The following HERC1 variants were observed in gnomAD, a reference collection of about 807,000 sequenced individuals.
HERC1 encodes HECT and RLD domain containing E3 ubiquitin protein ligase family member 1, also known as probable E3 ubiquitin-protein ligase HERC1.
In HERC1, 160 loss-of-function variants were observed where a neutral mutation model predicts 554.3. The observed-to-expected ratio is 0.29, with a 90% CI of 0.25 to 0.33. The LOEUF (loss-of-function observed/expected upper bound fraction) is 0.33, where lower values mean the gene tolerates loss of function less well. Ranked by LOEUF, HERC1 falls within the 10% of genes least tolerant of loss-of-function variation. The pLI is 1.00. For synonymous variants in HERC1, 2,175 were observed against 2,131.7 expected (o/e 1.02, Z -0.56); for missense variants, 4,919 against 5,918.5 (o/e 0.83, Z 5.54).
intron 51 of HERC1, 117 bp from the exon 52 acceptor site, chr15:63,652,658 C>A: frequency 1.2e-6 from 1 of 847,416 alleles, no homozygotes; most frequent in Non-Finnish European, 1.8e-6. Flanking sequence ...AGCATCCATT[C>A]CTTTCTTTTC....
chr15:63,661,647 C>T (rs2070364545), intron 45 of HERC1, 106 bp downstream of exon 45: 2 of 1,173,152 alleles, frequency 1.7e-6, no homozygotes, highest in Non-Finnish European at 2.4e-6. Context: ...CACGGGATTT[C>T]AGGGAAGGTT....
intron 32 of HERC1, 43 bp downstream of exon 32, chr15:63,690,498 G>A: frequency 4.6e-6 from 6 of 1,311,468 alleles, no homozygotes; most frequent in Non-Finnish European, 6.6e-6. Flanking sequence ...GAATCATTTT[G>A]CAAATATGGA....
chr15:63,718,605 A>G lies in HERC1; in HGVS notation c.3947T>C (p.Ile1316Thr), dbSNP rs375001242. The change falls in exon 21 of 78, where the codon ATT (isoleucine) becomes ACT (threonine). Residue 1316 changes from isoleucine to threonine, a missense_variant. Coordinates refer to ENST00000443617, the MANE Select transcript of HERC1 (RefSeq NM_003922.4). This position sits in a 1 kb window ranked among gnomAD's most constrained non-coding sequence, Gnocchi z 4.2. ...GTCCCGTGATGATGACCTTGTTTGA[A>G]TAAGTTCAAGGTTCTTGCAAGCAAG... ...RLLACKNLEL[I>T]QTRSSSRDRW... 20 of 1,586,230 alleles carry G rather than the reference A, an allele frequency of 1.3e-5. No individual in the cohort carries two copies. Among genetic ancestry groups the G allele is most frequent in the Admixed American group, 1.8e-5 (1 of 55,642 alleles).
intron 1 of HERC1, among the ~76,000 whole-genome samples, chr15:63,813,859 G>A (rs2145422053): frequency 6.6e-6 from 1 of 152,112 alleles, no homozygotes; most frequent in South Asian, 2.1e-4. Flanking sequence ...CCTGAGGTCA[G>A]GAGTTTGAGA....
chr15:63,660,019 T>C (rs984929066), intron 46 of HERC1, 83 bp from the exon 47 acceptor site: 1 of 1,155,242 alleles, frequency 8.7e-7, no homozygotes, highest in Admixed American at 2.0e-5. Flanking sequence ...TGAAAATACA[T>C]CTAAAATGCA....
intron 16 of HERC1, 61 bp downstream of exon 16, chr15:63,729,175 A>G (rs1194092908): frequency 1.4e-6 from 2 of 1,459,056 alleles, no homozygotes; most frequent in Admixed American, 2.4e-5. Flanking sequence ...AAGACTTTGG[A>G]AAGCCAAGTG....
chr15:63,616,938 T>G (rs1397933061), intron 74 of HERC1, among the ~76,000 whole-genome samples: 1 of 152,208 alleles, frequency 6.6e-6, no homozygotes, highest in African/African-American at 2.4e-5. Context: ...TCTGAACTAT[T>G]TTTAGAAGAA....
At chr15:63,776,500 T>C (rs748707344) in intron 1 of HERC1, among the ~76,000 whole-genome samples, 4 of 152,214 alleles carry the variant, frequency 2.6e-5, no homozygotes, top group Admixed American at 6.5e-5. Flanking sequence ...ACAATTCCTC[T>C]TCTAAAGATT....
intron 32 of HERC1, among the ~76,000 whole-genome samples, chr15:63,690,067 G>A (rs748345331): frequency 7.9e-5 from 12 of 151,100 alleles, no homozygotes; most frequent in Non-Finnish European, 1.3e-4. Flanking sequence ...GGAGGCTAAG[G>A]CAGGAGAATC....
intron 18 of HERC1, 108 bp from the exon 19 acceptor site, chr15:63,723,463 T>G: frequency 1.3e-6 from 1 of 765,458 alleles, no homozygotes. Context: ...CTTCAAACCA[T>G]TTTAAGTAGA....
At chr15:63,800,851 A>G (rs1567140900) in intron 1 of HERC1, among the ~76,000 whole-genome samples, 1 of 151,488 alleles carries the variant, frequency 6.6e-6, no homozygotes, top group African/African-American at 2.4e-5. Context: ...GGGCCCTTAG[A>G]TAGCTTCAGG....
chr15:63,649,689 A>C, intron 54 of HERC1, 36 bp downstream of exon 54: 2 of 1,546,432 alleles, frequency 1.3e-6, no homozygotes, highest in Non-Finnish European at 1.8e-6. Context: ...AGGAAGTTGG[A>C]GACTCCGTCA....
chr15:63,655,087 C>T (rs1215913300), intron 50 of HERC1, among the ~76,000 whole-genome samples: 1 of 152,060 alleles, frequency 6.6e-6, no homozygotes, highest in Non-Finnish European at 1.5e-5. Context: ...GGTGTGGTGG[C>T]TCATGCCTGT....
At chr15:63,672,224 A>G (rs1182231771) in intron 39 of HERC1, among the ~76,000 whole-genome samples, 1 of 152,220 alleles carries the variant, frequency 6.6e-6, no homozygotes, top group African/African-American at 2.4e-5. Context: ...AATTATCATC[A>G]TAAGAGAGAG....
At chr15:63,729,679 T>C (rs995194602) in intron 14 of HERC1, 30 bp from the exon 15 acceptor site, 3 of 1,607,412 alleles carry the variant, frequency 1.9e-6, no homozygotes, top group Middle Eastern at 1.7e-4. Context: ...AAGTTTATAT[T>C]TGAAGTGCTT....
At chr15:63,779,116 A>G (rs1200180683) in intron 1 of HERC1, among the ~76,000 whole-genome samples, 4 of 152,074 alleles carry the variant, frequency 2.6e-5, no homozygotes, top group African/African-American at 9.7e-5. Flanking sequence ...AAATAATTAG[A>G]AAAAGATAAG....
intron 72 of HERC1, 63 bp downstream of exon 72, chr15:63,624,095 T>C: frequency 1.4e-6 from 2 of 1,443,312 alleles, no homozygotes; most frequent in Non-Finnish European, 9.5e-7. Context: ...TCACAGAAAT[T>C]AGTAATAACA....
intron 2 of HERC1, 33 bp from the exon 3 acceptor site, chr15:63,764,224 G>C (rs758939618): frequency 4.2e-6 from 6 of 1,430,970 alleles, no homozygotes; most frequent in Non-Finnish European, 5.8e-6. Context: ...CACAGCGTAG[G>C]AAGGGGAGAG....
intron 25 of HERC1, among the ~76,000 whole-genome samples, chr15:63,701,411 A>C (rs944029209): frequency 2.0e-5 from 3 of 152,234 alleles, no homozygotes; most frequent in Admixed American, 6.5e-5. Flanking sequence ...GAAGCCCAAA[A>C]TTAAATCTTC....
Sources: allele counts gnomAD v4.1 joint callset (sites outside exome capture counted in the v4.1 genomes callset), GRCh38; gene constraint gnomAD v4.1.1; non-coding constraint Gnocchi (gnomAD v3.1); transcripts MANE v1.5; gene names NCBI Gene and HGNC (gene_info 2026-07-23, HGNC 2026-07-21).